Variants in MIGA2 observed in about 807,000 individuals in gnomAD.
The protein encoded by MIGA2 is mitoguardin 2.
Under a neutral mutation model 69.9 loss-of-function variants are expected in MIGA2, and 36 were observed. The ratio of observed to expected loss-of-function variants is 0.52; its 90% CI spans 0.39 to 0.68. The LOEUF (loss-of-function observed/expected upper bound fraction) is 0.68, where lower values mean the gene tolerates loss of function less well. MIGA2 is among the 30% of genes least tolerant of loss of function. The pLI is 0.00. For missense variants in MIGA2, 660 were observed against 787.7 expected, an observed-to-expected ratio of 0.84 and a Z score of 1.94; for synonymous variants, 333 against 349.2, an observed-to-expected ratio of 0.95 and a Z score of 0.52.
chr9:129,070,753 C>G lies in MIGA2; in HGVS notation c.*300C>G, dbSNP rs1050285372. On this transcript the variant is annotated 3_prime_UTR_variant, in exon 16 of 16. Coordinates refer to ENST00000684074, the MANE Select transcript of MIGA2 (RefSeq NM_001329990.2). ...TGGGGGACCCCAAAACCTCCCATCG[C>G]TCCAGGGCTGCTGACAAGGGTGCTG... 2.3e-6 allele frequency: 1 copy of G among 436,460 alleles called. No homozygotes were observed. Among genetic ancestry groups the G allele is most frequent in the East Asian group, 3.7e-5 (1 of 27,188 alleles). 27.0% of individuals were successfully genotyped at this position (436,460 alleles called of 1,614,324 possible).
At chr9:129,062,310 C>G (rs1273800924) in intron 9 of MIGA2, among the ~76,000 whole-genome samples, 3 of 151,944 alleles carry the variant, frequency 2.0e-5, no homozygotes, top group African/African-American at 4.8e-5. Flanking sequence ...GCGGGCAGAT[C>G]ACCTGAGGTC....
At chr9:129,067,651 T>C in intron 11 of MIGA2, 122 bp from the exon 12 acceptor site, 1 of 829,618 alleles carries the variant, frequency 1.2e-6, no homozygotes, top group Non-Finnish European at 1.9e-6. Flanking sequence ...TGCCACGTTT[T>C]CTCTGTGCCT....
Position 129,068,037 on chromosome 9 carries a change from A to G in MIGA2, c.1270-161A>G, listed in dbSNP as rs760632342. On this transcript the variant is annotated intron_variant, in intron 12 of 15. Coordinates refer to ENST00000684074, the MANE Select transcript of MIGA2 (RefSeq NM_001329990.2). This position sits in a 1 kb window ranked among gnomAD's most constrained non-coding sequence, Gnocchi z 4.1. ...GCCCCAGGCCAAGGCAGAGGGAGGA[A>G]TGGCCTCAGCTACACCCGTTGCACA... 7.9e-6 allele frequency: 10 copies of G among 1,259,590 alleles called. No homozygotes were observed. The highest frequency in any genetic ancestry group is 1.1e-5 in the Non-Finnish European group (10 of 881,914). The allele number at this position is 1,259,590 out of a possible 1,614,324, so 78.0% of individuals were successfully genotyped here.
rs7047350 is a variant in MIGA2, at chr9:129,047,803, T to C, written c.308-624T>C. 8.0e-3 allele frequency among the ~76,000 whole-genome samples: 1,221 copies of C among 151,992 alleles called. 13 individuals carry two copies. Among genetic ancestry groups the C allele is most frequent in the African/African-American group, 0.028 (1,146 of 41,470 alleles). On this transcript the variant is annotated intron_variant, in intron 3 of 15. Transcript: ENST00000684074. ...GGAATGAAGTATTGCGATCATGGCT[T>C]ACTGCAGCCTTGACCTCCCAGGCTC...
intron 2 of MIGA2, among the ~76,000 whole-genome samples, chr9:129,041,417 C>T (rs1409392834): frequency 6.6e-6 from 1 of 152,034 alleles, no homozygotes; most frequent in Non-Finnish European, 1.5e-5. Flanking sequence ...TCACTTGAAC[C>T]CAGGAAGCGG....
chr9:129,062,770 G>A (rs369423407), intron 9 of MIGA2, among the ~76,000 whole-genome samples: 3 of 152,098 alleles, frequency 2.0e-5, no homozygotes, highest in East Asian at 3.8e-4. Context: ...CTTGAACCTG[G>A]GAGGCGGAGG....
chr9:129,039,175 T>TTGTGTGTGTGTGTGTG (rs61426484), intron 1 of MIGA2, among the ~76,000 whole-genome samples: 2 of 139,998 alleles, frequency 1.4e-5, no homozygotes, highest in African/African-American at 5.3e-5. Flanking sequence ...AGCTCTTTGT[T>TTGTGTGTGTGTGTGTG]TGTGTGTGTG....
At chr9:129,064,754 C>G (rs981043873) in intron 11 of MIGA2, among the ~76,000 whole-genome samples, 1 of 151,478 alleles carries the variant, frequency 6.6e-6, no homozygotes, top group African/African-American at 2.4e-5. Flanking sequence ...ATATGCTGGT[C>G]TCTGCCCCAG....
chr9:129,043,961 A>T (rs1477929964), intron 3 of MIGA2, among the ~76,000 whole-genome samples: 1 of 151,280 alleles, frequency 6.6e-6, no homozygotes, highest in East Asian at 1.9e-4. Context: ...CGGCCTCCCA[A>T]AGTGCTGGGA....
Position 129,041,331 on chromosome 9 carries a change from C to CA in MIGA2, c.96+654dup, listed in dbSNP as rs777281536. On this transcript the variant is annotated intron_variant, in intron 2 of 15. Coordinates refer to ENST00000684074, the MANE Select transcript of MIGA2 (RefSeq NM_001329990.2). The stretch of plus-strand genomic sequence containing the variant: ...TGGGCGACAGAGCGAGACTCCGCCT[C>CA]AAAAAAAAAAAAATTAGCTGGGCAT... Among the ~76,000 whole-genome samples, 395 of 138,950 alleles carry CA rather than the reference C, an allele frequency of 2.8e-3. 2 individuals are homozygous for CA. The highest frequency in any genetic ancestry group is 0.025 in the East Asian group (120 of 4,774). The allele number at this position is 138,950 out of a possible 152,430, so 91.2% of individuals were successfully genotyped here. A position where few individuals can be genotyped will look rare whatever the true frequency, so the allele number is the denominator to read the frequency against.
chr9:129,047,569 C>T (rs1412025450), intron 3 of MIGA2, among the ~76,000 whole-genome samples: 1 of 151,904 alleles, frequency 6.6e-6, no homozygotes, highest in Non-Finnish European at 1.5e-5. Context: ...TGCGCCACCC[C>T]ATCTGGCTAA....
chr9:129,069,418 G>A lies in MIGA2; in HGVS notation c.1458+289G>A. 3.6e-6 allele frequency: 2 copies of A among 552,732 alleles called. No homozygotes were observed. Among genetic ancestry groups the A allele is most frequent in the Non-Finnish European group, 3.3e-6 (1 of 307,542 alleles). The allele number at this position is 552,732 out of a possible 1,614,324, so 34.2% of individuals were successfully genotyped here. ...CAGCTGGCCTGGTGCAGGCGTCTCG[G>A]TGGGGGCAGGATACCCAGGAGCAAG... On this transcript the variant is annotated intron_variant, in intron 14 of 15. Transcript: ENST00000684074. This position sits in a 1 kb window ranked among gnomAD's most constrained non-coding sequence, Gnocchi z 4.9.
At position 129,050,700 on chromosome 9, in the gene MIGA2, T is replaced by C. The variant is rs376453276; in HGVS notation, c.675+737T>C. Among the ~76,000 whole-genome samples the C allele has an allele frequency of 1.3e-4, 20 of 150,556 alleles. No homozygotes were observed. In the East Asian group the frequency reaches 3.3e-3, roughly 25 times the overall value. On this transcript the variant is annotated intron_variant, in intron 6 of 15. Transcript: ENST00000684074. ...GATTCTCCTGCCTCAGCCTCCTGAG[T>C]AGCTGGGATTACAGGTGCCTGCCAC...
At position 129,069,820 on chromosome 9, in the gene MIGA2, C is replaced by G; in HGVS notation, c.1459-29C>G. On this transcript the variant is annotated intron_variant, in intron 14 of 15. Transcript: ENST00000684074. The surrounding 1 kb of genome is among the most constrained non-coding windows in gnomAD (Gnocchi z 4.9). ...TGCCCTCATCCTACCTGGGCCCCGC[C>G]TGGCCCCTCAGCCTTGTGCCCACCG... 6.5e-7 allele frequency: 1 copy of G among 1,538,026 alleles called. No homozygotes were observed. Among genetic ancestry groups the G allele is most frequent in the East Asian group, 2.2e-5 (1 of 44,536 alleles).
At position 129,050,060 on chromosome 9, in the gene MIGA2, T is replaced by G. The variant is rs114010266; in HGVS notation, c.675+97T>G. 641 of 1,447,430 alleles carry G rather than the reference T, an allele frequency of 4.4e-4. 1 individual carries two copies. In the African/African-American group the frequency reaches 8.1e-3, roughly 18 times the overall value. 89.7% of individuals were successfully genotyped at this position (1,447,430 alleles called of 1,614,324 possible). ...TTGGGAGGCAGGCAGTCTCCTGTCC[T>G]CTGAGACTGCTGATTTCCCTCTATG... On this transcript the variant is annotated intron_variant, in intron 6 of 15. Coordinates refer to ENST00000684074, the MANE Select transcript of MIGA2 (RefSeq NM_001329990.2).
At chr9:129,049,668 C>G (rs924411538) in intron 5 of MIGA2, among the ~76,000 whole-genome samples, 159 bp from the exon 6 acceptor site, 1 of 152,192 alleles carries the variant, frequency 6.6e-6, no homozygotes, top group Non-Finnish European at 1.5e-5. Context: ...AGGAACAAAC[C>G]TGGTCTGAAA....
Position 129,068,434 on chromosome 9 carries a change from C to T in MIGA2, c.1404+102C>T, listed in dbSNP as rs1447576616. 6 of 1,486,924 alleles carry T rather than the reference C, an allele frequency of 4.0e-6. No individual in the cohort carries two copies. The African/African-American group carries it at 4.1e-5, about 10-fold the overall frequency. The allele number at this position is 1,486,924 out of a possible 1,614,324, so 92.1% of individuals were successfully genotyped here. ...CCCTAGCACTGGCACCAGGGCTGGG[C>T]CCCCACCCCCTAGATCCGCGGCTGC... On this transcript the variant is annotated intron_variant, in intron 13 of 15. Transcript: ENST00000684074. The surrounding 1 kb of genome is among the most constrained non-coding windows in gnomAD (Gnocchi z 4.1).
In MIGA2 at chr9:129,070,286, GACA is replaced by G; in HGVS notation, c.1617_1619del (p.Asn540del). 1 of 1,613,128 alleles carries G rather than the reference GACA, an allele frequency of 6.2e-7. No individual in the cohort carries two copies. On this transcript the variant is annotated inframe_deletion, in exon 16 of 16. Coordinates refer to ENST00000684074, the MANE Select transcript of MIGA2 (RefSeq NM_001329990.2). The stretch of plus-strand genomic sequence containing the variant: ...GTACCTGAGGGACATGTTCGACCTG[GACA>G]ATGTGCGCTACACGTCACTGCCCGC...
chr9:129,069,007 T>G lies in MIGA2; in HGVS notation c.1405-69T>G. ...TGGGTTTAAGGGCTTGGTGCTGGGC[T>G]GGCAGAGGGCGAGGGGCTGTGGGCT... is the stretch of plus-strand genomic sequence containing the variant. On this transcript the variant is annotated intron_variant, in intron 13 of 15. Transcript: ENST00000684074. The surrounding 1 kb of genome is among the most constrained non-coding windows in gnomAD (Gnocchi z 4.9). 1 of 1,587,698 alleles carries G rather than the reference T, an allele frequency of 6.3e-7. No individual in the cohort carries two copies. The highest frequency in any genetic ancestry group is 1.1e-5 in the South Asian group (1 of 90,566).
Sources: allele counts gnomAD v4.1 joint callset (sites outside exome capture counted in the v4.1 genomes callset), GRCh38; gene constraint gnomAD v4.1.1; non-coding constraint Gnocchi (gnomAD v3.1); transcripts MANE v1.5; gene names NCBI Gene and HGNC (gene_info 2026-07-23, HGNC 2026-07-21).